The following ADPRM variants were observed in gnomAD, a reference collection of about 807,000 sequenced individuals.
ADPRM encodes manganese-dependent ADP-ribose/CDP-alcohol diphosphatase.
A neutral mutation model predicts 27.2 loss-of-function variants in ADPRM; 17 were observed. The ratio of observed to expected loss-of-function variants is 0.63; its 90% CI spans 0.43 to 0.94. The LOEUF is 0.94. Among genes scored for constraint, ADPRM ranks in the 40% least tolerant of loss-of-function variants. The pLI is 0.00. For synonymous variants in ADPRM, 135 were observed against 145.3 expected (o/e 0.93, Z 0.51); for missense variants, 337 against 412.8 (o/e 0.82, Z 1.59).
At position 10,705,068 on chromosome 17, in the gene ADPRM, A is replaced by C; in HGVS notation, c.142A>C (p.Ser48Arg). The change falls in exon 2 of 4, where the codon AGT becomes CGT. Residue 48 changes from serine (S) to arginine (R), a missense_variant. Transcript: ENST00000379774. The surrounding 1 kb of genome is among the most constrained non-coding windows in gnomAD (Gnocchi z 5.4). ...QGTRRRYYRHSLLHLQGAIED... is the reference protein window; with the variant it reads ...QGTRRRYYRHRLLHLQGAIED... ...AACCAGGCGGCGATACTACAGACATAGTCTTCTTCACTTACAGGGTGCCAT... is the reference window on the plus strand; with the variant it reads ...AACCAGGCGGCGATACTACAGACATCGTCTTCTTCACTTACAGGGTGCCAT... 1.2e-6 allele frequency: 2 copies of C among 1,614,170 alleles called. No individual in the cohort carries two copies. Among genetic ancestry groups the C allele is most frequent in the Admixed American group, 1.7e-5 (1 of 60,018 alleles).
chr17:10,700,696 C>G (rs1001713214), intron 1 of ADPRM, among the ~76,000 whole-genome samples: 2 of 149,854 alleles, frequency 1.3e-5, no homozygotes, highest in Non-Finnish European at 2.9e-5. Context: ...CCCAGGAAGT[C>G]GAGGCTACAG....
At chr17:10,709,918 G>T (rs1012762121) in intron 3 of ADPRM, among the ~76,000 whole-genome samples, 1 of 152,064 alleles carries the variant, frequency 6.6e-6, no homozygotes, top group South Asian at 2.1e-4. Context: ...CTACTTCCAC[G>T]TATCTCCTGT....
intron 1 of ADPRM, among the ~76,000 whole-genome samples, chr17:10,700,978 A>G (rs2074772923): frequency 6.6e-6 from 1 of 152,162 alleles, no homozygotes; most frequent in African/African-American, 2.4e-5. Flanking sequence ...TTTTCTTAAC[A>G]TGCGTATAGT....
At chr17:10,706,661 A>C in intron 3 of ADPRM, 107 bp downstream of exon 3, 1 of 706,100 alleles carries the variant, frequency 1.4e-6, no homozygotes. Context: ...TTTCTATAAA[A>C]TGGACACTTA....
chr17:10,706,539 A>G lies in ADPRM; in HGVS notation c.703A>G (p.Lys235Glu). ...AACATTCTCTGACACAAACCAAGAA[A>G]AGGTGGTGATTGTGAGTAAGTATTT... ...VLTFSDTNQE[K>E]VVIVSHLPIY... Residue 235 changes from lysine (K) to glutamate (E), a missense_variant, in exon 3 of 4, where the codon AAG becomes GAG. Transcript: ENST00000379774. The G allele has an allele frequency of 6.3e-7, 1 of 1,577,554 alleles. No individual in the cohort carries two copies. The highest frequency in any genetic ancestry group is 1.9e-5 in the Admixed American group (1 of 51,924).
Position 10,705,337 on chromosome 17 carries a change from T to A in ADPRM, c.411T>A (p.His137Gln), listed in dbSNP as rs1313826513. Residue 137 changes from histidine (H) to glutamine (Q), a missense_variant, in exon 2 of 4, where the codon CAT becomes CAA. Transcript: ENST00000379774. This position sits in a 1 kb window ranked among gnomAD's most constrained non-coding sequence, Gnocchi z 5.4. ...NTKFLEDQIV[H>Q]HPETMPSEDY... ...AGTTTCTAGAAGATCAGATTGTACA[T>A]CATCCTGAGACCATGCCTTCAGAAG... 2 of 1,613,906 alleles carry A rather than the reference T, an allele frequency of 1.2e-6. No homozygotes were observed. The highest frequency in any genetic ancestry group is 2.7e-5 in the African/African-American group (2 of 74,926).
At chr17:10,704,181 C>CA (rs1350118085) in intron 1 of ADPRM, among the ~76,000 whole-genome samples, 3 of 150,040 alleles carry the variant, frequency 2.0e-5, no homozygotes, top group African/African-American at 7.6e-5. Flanking sequence ...CTGTCAAAAA[C>CA]AAAAACAAAA....
Position 10,705,610 on chromosome 17 carries a change from A to G in ADPRM, c.601+83A>G, listed in dbSNP as rs1244512923. The G allele has an allele frequency of 6.5e-7, 1 of 1,531,690 alleles. No homozygotes were observed. Among genetic ancestry groups the G allele is most frequent in the Non-Finnish European group, 8.7e-7 (1 of 1,143,492 alleles). The allele number at this position is 1,531,690 out of a possible 1,614,324, so 94.9% of individuals were successfully genotyped here. On this transcript the variant is annotated intron_variant, in intron 2 of 3. Coordinates refer to ENST00000379774, the MANE Select transcript of ADPRM (RefSeq NM_020233.5). The surrounding 1 kb of genome is among the most constrained non-coding windows in gnomAD (Gnocchi z 5.4). ...CTTTTATTCAGCAGGAAGATGGACA[A>G]TTAAGGTAAAAGTATATTGTCACTT...
intron 3 of ADPRM, 65 bp downstream of exon 3, chr17:10,706,619 C>A: frequency 2.6e-6 from 3 of 1,149,016 alleles, no homozygotes; most frequent in Non-Finnish European, 3.6e-6. Context: ...GGCGTTAAAG[C>A]ATACTAACAA....
intron 1 of ADPRM, among the ~76,000 whole-genome samples, chr17:10,704,143 C>T (rs996072264): frequency 2.0e-5 from 3 of 151,928 alleles, no homozygotes; most frequent in Non-Finnish European, 2.9e-5. Flanking sequence ...CAGGAGTCCA[C>T]GACCAGCCTG....
In ADPRM at chr17:10,705,385, A is replaced by G. The variant is rs755144056; in HGVS notation, c.459A>G (p.Val153=). 1 of 1,613,946 alleles carries G rather than the reference A, an allele frequency of 6.2e-7. No individual in the cohort carries two copies. Among genetic ancestry groups the G allele is most frequent in the Non-Finnish European group, 8.5e-7 (1 of 1,179,956 alleles). Residue 153 remains valine, a synonymous_variant, in exon 2 of 4, where the codon GTA becomes GTG. Transcript: ENST00000379774. The surrounding 1 kb of genome is among the most constrained non-coding windows in gnomAD (Gnocchi z 5.4). The stretch of plus-strand genomic sequence containing the variant: ...AAGATTATTATGCTTATCATTTTGT[A>G]CCATTCCCTAAATTCCGGTTCATTT... The part of the protein sequence containing the change: ...PSEDYYAYHF[V]PFPKFRFILL...
At chr17:10,706,272 T>C (rs1268997524) in intron 2 of ADPRM, among the ~76,000 whole-genome samples, 166 bp from the exon 3 acceptor site, 1 of 152,174 alleles carries the variant, frequency 6.6e-6, no homozygotes, top group Non-Finnish European at 1.5e-5. Flanking sequence ...CAGTGTGATA[T>C]ATATATATAT....
intron 3 of ADPRM, among the ~76,000 whole-genome samples, chr17:10,709,791 A>G (rs924415032): frequency 6.6e-6 from 1 of 152,248 alleles, no homozygotes; most frequent in Admixed American, 6.5e-5. Context: ...ATAAAAATGA[A>G]CGGTAATAGA....
At chr17:10,707,304 G>A (rs1248872270) in intron 3 of ADPRM, among the ~76,000 whole-genome samples, 1 of 152,184 alleles carries the variant, frequency 6.6e-6, no homozygotes, top group African/African-American at 2.4e-5. Flanking sequence ...GAACCGGGAG[G>A]TGGAGGTTGC....
chr17:10,705,151 C>T lies in ADPRM; in HGVS notation c.225C>T (p.Ile75=). 6.2e-7 allele frequency: 1 copy of T among 1,614,072 alleles called. No homozygotes were observed. The highest frequency in any genetic ancestry group is 8.5e-7 in the Non-Finnish European group (1 of 1,179,988). ...MPCCVLQLGD[I]IDGYNAQYNA... ...GTTGTGTCCTTCAGCTTGGAGATAT[C>T]ATCGATGGATATAATGCACAGTATA... The change falls in exon 2 of 4, where the codon ATC becomes ATT. Residue 75 remains isoleucine (I), a synonymous_variant. Transcript: ENST00000379774. This position sits in a 1 kb window ranked among gnomAD's most constrained non-coding sequence, Gnocchi z 5.4.
Position 10,703,670 on chromosome 17 carries a change from CTG to C in ADPRM, c.-17-1238_-17-1237del, listed in dbSNP as rs555019532. 2.7e-3 allele frequency among the ~76,000 whole-genome samples: 410 copies of C among 152,256 alleles called. 4 individuals carry two copies. Among genetic ancestry groups the C allele is most frequent in the African/African-American group, 9.4e-3 (391 of 41,530 alleles). On this transcript the variant is annotated intron_variant, in intron 1 of 3. Coordinates refer to ENST00000379774, the MANE Select transcript of ADPRM (RefSeq NM_020233.5). ...GTCCACAGAGGATTAAGTAGGAACT[CTG>C]TAGATATATTTGTCAAATGACTAGA... is the stretch of plus-strand genomic sequence containing the variant.
At chr17:10,709,516 A>G (rs1333685821) in intron 3 of ADPRM, among the ~76,000 whole-genome samples, 1 of 152,168 alleles carries the variant, frequency 6.6e-6, no homozygotes, top group Non-Finnish European at 1.5e-5. Flanking sequence ...ATTAGTGGCC[A>G]TTGAAGTTGG....
At chr17:10,707,904 C>T (rs541144393) in intron 3 of ADPRM, among the ~76,000 whole-genome samples, 7 of 152,228 alleles carry the variant, frequency 4.6e-5, no homozygotes, top group Admixed American at 2.0e-4. Flanking sequence ...AAAACATACA[C>T]GGAACTGAAT....
chr17:10,708,495 T>C (rs1413381417), intron 3 of ADPRM, among the ~76,000 whole-genome samples: 1 of 148,060 alleles, frequency 6.8e-6, no homozygotes, highest in East Asian at 2.0e-4. Flanking sequence ...TATATAAAAC[T>C]ATATTTCTAT....
Sources: gnomAD v4.1 joint callset for allele counts (sites outside exome capture counted in the v4.1 genomes callset) on GRCh38, gnomAD v4.1.1 for gene constraint, Gnocchi (gnomAD v3.1) non-coding constraint, MANE v1.5 for transcripts, NCBI Gene and HGNC (gene_info 2026-07-23, HGNC 2026-07-21) for gene names.